Variants in PASK observed in about 807,000 individuals in gnomAD.
PASK encodes PAS domain-containing serine/threonine-protein kinase.
In PASK, 110 loss-of-function variants were observed where a neutral mutation model predicts 121.0. That is an observed-to-expected ratio of 0.91 (90% CI 0.78 to 1.06). PASK has a LOEUF of 1.06. Among genes scored for constraint, PASK ranks in the 50% least tolerant of loss-of-function variants. The pLI is 0.00. For synonymous variants in PASK, 686 were observed against 717.8 expected (o/e 0.96, Z 0.71); for missense variants, 1,643 against 1,702.3 (o/e 0.97, Z 0.61).
chr2:241,108,091 A>C lies in PASK; in HGVS notation c.3667+76T>G. 5 of 1,347,178 alleles carry C rather than the reference A, an allele frequency of 3.7e-6. No homozygotes were observed. Among genetic ancestry groups the C allele is most frequent in the Admixed American group, 1.7e-5 (1 of 59,690 alleles). The allele number at this position is 1,347,178 out of a possible 1,614,324, so 83.5% of individuals were successfully genotyped here. ...GATATGGACAGAGATACACTGAGGA[A>C]TGAGGAAATGGGAAAAAAAAGTGGC... On this transcript the variant is annotated intron_variant, in intron 16 of 17. Coordinates refer to ENST00000234040, the MANE Select transcript of PASK (RefSeq NM_015148.4). The surrounding 1 kb of genome is among the most constrained non-coding windows in gnomAD (Gnocchi z 5.2).
chr2:241,142,789 C>T, intron 2 of PASK, 48 bp downstream of exon 2: 1 of 1,357,466 alleles, frequency 7.4e-7, no homozygotes, highest in Non-Finnish European at 1.1e-6. Flanking sequence ...AGCAACTCCA[C>T]ATTTGTATTT....
At position 241,108,207 on chromosome 2, in the gene PASK, G is replaced by A. The variant is rs375206523; in HGVS notation, c.3627C>T (p.Thr1209=). 1.9e-5 allele frequency: 31 copies of A among 1,613,660 alleles called. No individual in the cohort carries two copies. Among genetic ancestry groups the A allele is most frequent in the East Asian group, 2.2e-5 (1 of 44,882 alleles). The change falls in exon 16 of 18, where the codon ACC becomes ACT. Residue 1209 remains threonine, a synonymous_variant. Transcript: ENST00000234040. The surrounding 1 kb of genome is among the most constrained non-coding windows in gnomAD (Gnocchi z 5.2). ...EENPFCELEE[T]VEAAIHPPYL... ...ATGGCGGGTGTATGGCAGCCTCCAC[G>A]GTCTCCTCCAGCTCACAGAAGGGGT...
At chr2:241,111,537 C>T (rs1051991641) in intron 15 of PASK, among the ~76,000 whole-genome samples, 6 of 152,224 alleles carry the variant, frequency 3.9e-5, no homozygotes, top group African/African-American at 1.4e-4. Flanking sequence ...TGATCGGGCA[C>T]GTCAGCAGAC....
intron 15 of PASK, among the ~76,000 whole-genome samples, chr2:241,110,312 A>T (rs2065055134): frequency 6.6e-6 from 1 of 152,236 alleles, no homozygotes; most frequent in South Asian, 2.1e-4. Flanking sequence ...GGGAAGAGGG[A>T]CCTAAGGCCA....
At chr2:241,116,650 A>AAAC (rs561825989) in intron 12 of PASK, among the ~76,000 whole-genome samples, 147 of 152,382 alleles carry the variant, frequency 9.6e-4, no homozygotes, top group African/African-American at 3.4e-3. Flanking sequence ...AATATAAGAA[A>AAAC]AACAGTGCTA....
In PASK at chr2:241,143,718, T is replaced by A. The variant is rs116668496; in HGVS notation, c.-42-644A>T. ...AACTGAAAATACTCCCAGGTCATGA[T>A]GAACCCATCAGCACGTGGGGGCTGC... On this transcript the variant is annotated intron_variant, in intron 1 of 17. Coordinates refer to ENST00000234040, the MANE Select transcript of PASK (RefSeq NM_015148.4). Among the ~76,000 whole-genome samples, 925 of 152,268 alleles carry A rather than the reference T, an allele frequency of 6.1e-3. 4 individuals carry two copies. Among genetic ancestry groups the A allele is most frequent in the African/African-American group, 0.021 (890 of 41,540 alleles).
At chr2:241,145,934 C>A (rs1360909846) in intron 1 of PASK, 1 of 140,408 alleles carries the variant, frequency 7.1e-6, no homozygotes, top group Non-Finnish European at 1.5e-5. Flanking sequence ...GAGACTCCGT[C>A]CCCCCCAAAA....
intron 12 of PASK, among the ~76,000 whole-genome samples, chr2:241,120,584 C>T (rs2065565437): frequency 6.6e-6 from 1 of 152,128 alleles, no homozygotes; most frequent in South Asian, 2.1e-4. Context: ...AGACACTTGA[C>T]ATCATTAGTC....
At chr2:241,124,702 G>C (rs1046260359) in intron 10 of PASK, among the ~76,000 whole-genome samples, 1 of 152,124 alleles carries the variant, frequency 6.6e-6, no homozygotes, top group African/African-American at 2.4e-5. Context: ...TTGGTGGTGG[G>C]GGTTTACAGC....
At chr2:241,127,787 C>T (rs568630250) in intron 9 of PASK, 19 of 383,006 alleles carry the variant, frequency 5.0e-5, no homozygotes, top group South Asian at 4.1e-4. Flanking sequence ...CTCGGCCCCA[C>T]CTGCAAGGGG....
Position 241,137,079 on chromosome 2 carries a change from A to G in PASK, c.1062T>C (p.Asp354=). Residue 354 remains aspartate (D), a synonymous_variant, in exon 7 of 18, where the codon GAT becomes GAC. Coordinates refer to ENST00000234040, the MANE Select transcript of PASK (RefSeq NM_015148.4). ...TISGLITLLP[D]GTIHGINHSF... ...TGTGGTTGATGCCGTGGATGGTCCC[A>G]TCCGGCAGGAGGGTGATGAGGCCAC... The G allele has an allele frequency of 1.2e-6, 2 of 1,613,522 alleles. No homozygotes were observed. Among genetic ancestry groups the G allele is most frequent in the Non-Finnish European group, 1.7e-6 (2 of 1,179,720 alleles).
At chr2:241,135,015 T>TGCTCCTTACCAGGAGCTC (rs1306178602) in intron 8 of PASK, among the ~76,000 whole-genome samples, 1 of 152,212 alleles carries the variant, frequency 6.6e-6, no homozygotes, top group Non-Finnish European at 1.5e-5. Flanking sequence ...GCCAGGGGCC[T>TGCTCCTTACCAGGAGCTC]GCTCCTTACC....
chr2:241,134,712 AGAGCCCCGAGGTGGCT>A (rs1382690278), intron 8 of PASK: 6 of 152,340 alleles, frequency 3.9e-5, no homozygotes. Flanking sequence ...ACCACGATGC[AGAGCCCCGAGGTGGCT>A]GTGCTTTCTG....
At chr2:241,128,118 T>G (rs895506515) in intron 9 of PASK, among the ~76,000 whole-genome samples, 4 of 152,146 alleles carry the variant, frequency 2.6e-5, no homozygotes, top group African/African-American at 9.7e-5. Context: ...CTGTCTCTAC[T>G]AAAAATACAA....
rs140240230 is a variant in PASK at position 241,122,329 on chromosome 2, G to C, written c.3072+403C>G. 3.9e-5 allele frequency among the ~76,000 whole-genome samples: 6 copies of C among 152,262 alleles called. No homozygotes were observed. The East Asian group carries it at 9.6e-4, about 24-fold the overall frequency. On this transcript the variant is annotated intron_variant, in intron 12 of 17. Coordinates refer to ENST00000234040, the MANE Select transcript of PASK (RefSeq NM_015148.4). ...GAAAAATTAATGAAACCCAAAGCAG[G>C]TTATTTGAAAAGATTAAGCATGTTT...
At position 241,126,237 on chromosome 2, in the gene PASK, G is replaced by A. The variant is rs1362617103; in HGVS notation, c.2678C>T (p.Ala893Val). The A allele has an allele frequency of 7.4e-6, 12 of 1,613,936 alleles. No individual in the cohort carries two copies. Among genetic ancestry groups the A allele is most frequent in the Admixed American group, 1.7e-5 (1 of 59,992 alleles). The change falls in exon 10 of 18, where the codon GCC becomes GTC. Residue 893 changes from alanine to valine, a missense_variant. By Grantham distance (64) the Ala-to-Val change is moderately conservative (BLOSUM62 0). This residue lies in a region of PASK where 1,176 missense variants were observed against 1,162.2 expected (regional missense o/e 1.01). Transcript: ENST00000234040. ...AGLQREIQEG[A>V]YSGSCYHRDG... ...TCGATGGTAGCAGCTCCCGGAGTAGGCACCCTCCTGGATCTCCCGCTGCAG... is the reference window on the plus strand; with the variant it reads ...TCGATGGTAGCAGCTCCCGGAGTAGACACCCTCCTGGATCTCCCGCTGCAG...
rs181310236 is a variant in PASK, at chr2:241,125,578, C to A, written c.2719+618G>T. On this transcript the variant is annotated intron_variant, in intron 10 of 17. Coordinates refer to ENST00000234040, the MANE Select transcript of PASK (RefSeq NM_015148.4). Reference sequence around the variant, plus strand: ...TCGCGCTACTGCACTCCAGCCTGGGCAACAGAGAGAGACTCTGTCTCAAAA... The same window carrying A: ...TCGCGCTACTGCACTCCAGCCTGGGAAACAGAGAGAGACTCTGTCTCAAAA... 6.7e-3 allele frequency among the ~76,000 whole-genome samples: 835 copies of A among 125,472 alleles called. 8 individuals are homozygous for A. Among genetic ancestry groups the A allele is most frequent in the African/African-American group, 0.023 (783 of 33,944 alleles). The allele number at this position is 125,472 out of a possible 152,430, so 82.3% of individuals were successfully genotyped here. A position where few individuals can be genotyped will look rare whatever the true frequency, so the allele number is the denominator to read the frequency against.
At chr2:241,148,040 C>G (rs897861265) in intron 1 of PASK, among the ~76,000 whole-genome samples, 2 of 152,196 alleles carry the variant, frequency 1.3e-5, no homozygotes, top group Non-Finnish European at 2.9e-5. Flanking sequence ...CTTCACATGA[C>G]CTTAGATCAC....
intron 11 of PASK, 143 bp from the exon 12 acceptor site, chr2:241,123,042 C>G (rs1025480484): frequency 1.8e-5 from 13 of 717,940 alleles, no homozygotes; most frequent in Non-Finnish European, 2.1e-5. Flanking sequence ...CCCATGCTCT[C>G]AGACAGGTCT....
Sources: gnomAD v4.1 joint callset for allele counts (sites outside exome capture counted in the v4.1 genomes callset) on GRCh38, gnomAD v4.1.1 for gene constraint, gnomAD v4.1.1 regional missense constraint, Gnocchi (gnomAD v3.1) non-coding constraint, MANE v1.5 for transcripts, NCBI Gene and HGNC (gene_info 2026-07-23, HGNC 2026-07-21) for gene names.